Variants in PRICKLE1 observed in about 807,000 individuals in gnomAD.
PRICKLE1 encodes prickle-like protein 1.
Under a neutral mutation model 70.2 loss-of-function variants are expected in PRICKLE1, and 14 were observed. The observed-to-expected ratio is 0.20, with a 90% confidence interval of 0.13 to 0.31. The LOEUF (loss-of-function observed/expected upper bound fraction) is 0.31, where lower values mean the gene tolerates loss of function less well. Ranked by LOEUF, PRICKLE1 falls within the 10% of genes least tolerant of loss-of-function variation. The probability of loss-of-function intolerance (pLI) is 1.00; values close to 1 mark genes in which losing one functional copy is unlikely to be tolerated. For missense variants in PRICKLE1, 821 were observed against 1,026.2 expected, an observed-to-expected ratio of 0.80 and a Z score of 2.73; for synonymous variants, 357 against 379.9, an observed-to-expected ratio of 0.94 and a Z score of 0.70.
chr12:42,528,476 C>T (rs543147415), intron 1 of PRICKLE1, among the ~76,000 whole-genome samples: 1 of 152,146 alleles, frequency 6.6e-6, no homozygotes, highest in East Asian at 1.9e-4. Flanking sequence ...ACAACATTTG[C>T]AAGAAGTCTT....
chr12:42,527,730 C>T (rs1342693079), intron 1 of PRICKLE1, among the ~76,000 whole-genome samples: 2 of 151,694 alleles, frequency 1.3e-5, no homozygotes, highest in Admixed American at 1.3e-4. Flanking sequence ...CCTCTGTGCC[C>T]TGATTTCTTC....
At chr12:42,538,752 T>A (rs79650282) in intron 1 of PRICKLE1, among the ~76,000 whole-genome samples, 18 of 152,350 alleles carry the variant, frequency 1.2e-4, no homozygotes, top group Non-Finnish European at 1.9e-4. Flanking sequence ...ACATCCCTAA[T>A]TAGGGACCAC....
At chr12:42,514,849 C>T (rs989106168) in intron 1 of PRICKLE1, among the ~76,000 whole-genome samples, 6 of 151,988 alleles carry the variant, frequency 3.9e-5, no homozygotes, top group East Asian at 3.9e-4. Context: ...CTCTAGATAA[C>T]ATACTGATCT....
chr12:42,462,616 C>G (rs974609267), intron 7 of PRICKLE1, among the ~76,000 whole-genome samples: 1 of 152,156 alleles, frequency 6.6e-6, no homozygotes, highest in African/African-American at 2.4e-5. Flanking sequence ...TTATTGCCGG[C>G]CTTATCTTTG....
At chr12:42,540,618 A>G (rs560526330) in intron 1 of PRICKLE1, among the ~76,000 whole-genome samples, 1 of 152,228 alleles carries the variant, frequency 6.6e-6, no homozygotes, top group African/African-American at 2.4e-5. Context: ...GCTGGAGTAC[A>G]ATAGTGTGAC....
chr12:42,533,369 T>C (rs61924427), intron 1 of PRICKLE1, among the ~76,000 whole-genome samples: 4,477 of 152,310 alleles, frequency 0.029, 107 homozygotes, highest in Middle Eastern at 0.065. Flanking sequence ...CCTGAAAAAT[T>C]ACTGTACTTG....
intron 1 of PRICKLE1, among the ~76,000 whole-genome samples, chr12:42,501,305 C>A (rs1397011779): frequency 6.6e-6 from 1 of 151,890 alleles, no homozygotes; most frequent in Non-Finnish European, 1.5e-5. Context: ...GAGATTGAGA[C>A]CATCCTGGCC....
intron 1 of PRICKLE1, among the ~76,000 whole-genome samples, chr12:42,521,948 G>A (rs1015932459): frequency 1.7e-5 from 1 of 57,168 alleles, no homozygotes; most frequent in African/African-American, 4.5e-5. Context: ...GTGTGTGTGT[G>A]TGTGTGTGTG....
At chr12:42,480,445 T>C (rs1306460083) in intron 1 of PRICKLE1, among the ~76,000 whole-genome samples, 4 of 152,350 alleles carry the variant, frequency 2.6e-5, no homozygotes, top group Middle Eastern at 6.8e-3. Context: ...GTAGTAATTA[T>C]GGCATGGACA....
intron 1 of PRICKLE1, among the ~76,000 whole-genome samples, chr12:42,542,259 T>C (rs997594144): frequency 6.6e-6 from 1 of 152,078 alleles, no homozygotes; most frequent in Non-Finnish European, 1.5e-5. Context: ...TTTTATGCTG[T>C]CAAAGAAAGT....
intron 1 of PRICKLE1, among the ~76,000 whole-genome samples, chr12:42,486,787 AG>A (rs1039658218): frequency 3.9e-5 from 6 of 152,176 alleles, no homozygotes; most frequent in African/African-American, 1.4e-4. Flanking sequence ...GACATTTGAA[AG>A]GATTTATAAC....
chr12:42,513,181 C>T (rs1437924104), intron 1 of PRICKLE1, among the ~76,000 whole-genome samples: 2 of 151,994 alleles, frequency 1.3e-5, no homozygotes, highest in African/African-American at 4.8e-5. Context: ...AGGCTGGTGT[C>T]GAACTCCTGA....
intron 1 of PRICKLE1, among the ~76,000 whole-genome samples, chr12:42,492,038 C>T (rs1229046792): frequency 6.6e-6 from 1 of 151,896 alleles, no homozygotes; most frequent in African/African-American, 2.4e-5. Flanking sequence ...CCTGTCTCGG[C>T]CTCCCAAAGT....
At chr12:42,471,517 T>A (rs1428808184) in intron 2 of PRICKLE1, among the ~76,000 whole-genome samples, 1 of 152,182 alleles carries the variant, frequency 6.6e-6, no homozygotes, top group South Asian at 2.1e-4. Flanking sequence ...CCCCATTCTA[T>A]CAGCTCTAGA....
At chr12:42,563,426 G>C (rs902240268) in intron 1 of PRICKLE1, among the ~76,000 whole-genome samples, 1 of 151,840 alleles carries the variant, frequency 6.6e-6, no homozygotes, top group Non-Finnish European at 1.5e-5. Flanking sequence ...TTGGCCGGGC[G>C]TGGTGGGTCA....
At chr12:42,475,938 A>G (rs1938508472) in intron 1 of PRICKLE1, among the ~76,000 whole-genome samples, 1 of 151,526 alleles carries the variant, frequency 6.6e-6, no homozygotes, top group African/African-American at 2.4e-5. Context: ...CAAATCTACT[A>G]AAAATATAAA....
At position 42,464,278 on chromosome 12, in the gene PRICKLE1, C is replaced by G. The variant is rs952934481; in HGVS notation, c.1639+117G>C. The G allele has an allele frequency of 3.1e-6, 4 of 1,281,264 alleles. No homozygotes were observed. The African/African-American group carries it at 5.8e-5, about 19-fold the overall frequency. The allele number at this position is 1,281,264 out of a possible 1,614,324, so 79.4% of individuals were successfully genotyped here. On this transcript the variant is annotated intron_variant, in intron 7 of 7. Coordinates refer to ENST00000345127, the MANE Select transcript of PRICKLE1 (RefSeq NM_153026.3). The surrounding 1 kb of genome is among the most constrained non-coding windows in gnomAD (Gnocchi z 4.2). ...TCAAATGATCTGCCCACCTCAGCCT[C>G]CCATAGTGCTGGAATTATAGGCATG... is the stretch of plus-strand genomic sequence containing the variant.
chr12:42,568,289 C>G (rs1003885982), intron 1 of PRICKLE1, among the ~76,000 whole-genome samples: 2 of 151,440 alleles, frequency 1.3e-5, no homozygotes, highest in Non-Finnish European at 2.9e-5. Context: ...ATCCTCCCAC[C>G]TCAGCCTCCC....
At chr12:42,530,006 G>GCACTAT (rs1011024886) in intron 1 of PRICKLE1, among the ~76,000 whole-genome samples, 1 of 150,232 alleles carries the variant, frequency 6.7e-6, no homozygotes, top group African/African-American at 2.5e-5. Context: ...GAGTGCAGTG[G>GCACTAT]CACTATCTTG....
Sources: gnomAD v4.1 joint callset for allele counts (sites outside exome capture counted in the v4.1 genomes callset) on GRCh38, gnomAD v4.1.1 for gene constraint, Gnocchi (gnomAD v3.1) non-coding constraint, MANE v1.5 for transcripts, NCBI Gene and HGNC (gene_info 2026-07-23, HGNC 2026-07-21) for gene names.